The following PRKN variants were observed in gnomAD, a reference collection of about 807,000 sequenced individuals.
PRKN encodes the protein E3 ubiquitin-protein ligase parkin.
A neutral mutation model predicts 59.5 loss-of-function variants in PRKN; 56 were observed. The observed-to-expected ratio is 0.94, with a 90% confidence interval of 0.76 to 1.18. The LOEUF is 1.18. PRKN is among the 50% of genes most tolerant of loss of function. The pLI is 0.00. For missense variants in PRKN, 657 were observed against 596.4 expected, an observed-to-expected ratio of 1.10 and a Z score of -1.06; for synonymous variants, 250 against 222.1, an observed-to-expected ratio of 1.13 and a Z score of -1.12.
chr6:162,560,141 T>C (rs561459878), intron 1 of PRKN, among the ~76,000 whole-genome samples: 4 of 152,224 alleles, frequency 2.6e-5, no homozygotes, highest in African/African-American at 7.2e-5. Context: ...CTACATTCGT[T>C]AATAAAGAGG....
intron 9 of PRKN, among the ~76,000 whole-genome samples, chr6:161,489,310 A>G (rs1777457787): frequency 6.6e-6 from 1 of 152,020 alleles, no homozygotes; most frequent in African/African-American, 2.4e-5. Flanking sequence ...CTGCAACCCC[A>G]GCACTTTGGG....
intron 9 of PRKN, among the ~76,000 whole-genome samples, chr6:161,513,379 T>A (rs1394790736): frequency 6.6e-6 from 1 of 152,128 alleles, no homozygotes; most frequent in Non-Finnish European, 1.5e-5. Flanking sequence ...TAGCTGGGAC[T>A]ACAGGTGCAT....
At position 161,480,444 on chromosome 6, in the gene PRKN, A is replaced by G. The variant is rs1202461140; in HGVS notation, c.1083+68410T>C. On this transcript the variant is annotated intron_variant, in intron 9 of 11. Transcript: ENST00000366898. This position sits in a 1 kb window ranked among gnomAD's most constrained non-coding sequence, Gnocchi z 4.1. ...AAAAGAATCTTAATTCTCTTATTTC[A>G]CATATGAGAAAATTGAGAGCTTAAA... 2.0e-5 allele frequency among the ~76,000 whole-genome samples: 3 copies of G among 152,168 alleles called. No individual in the cohort carries two copies. The highest frequency in any genetic ancestry group is 4.4e-5 in the Non-Finnish European group (3 of 68,044).
rs146243143 is a variant in PRKN, at chr6:162,259,572, A to T, written c.412+2953T>A. On this transcript the variant is annotated intron_variant, in intron 3 of 11. Coordinates refer to ENST00000366898, the MANE Select transcript of PRKN (RefSeq NM_004562.3). ...GCTATCATTTTTAGTGAAGAAAAAT[A>T]ATCATATAGGCATACTGTTTGCATA... Among the ~76,000 whole-genome samples, 329 of 152,384 alleles carry T rather than the reference A, an allele frequency of 2.2e-3. 3 individuals carry two copies. The highest frequency in any genetic ancestry group is 3.7e-3 in the Non-Finnish European group (251 of 68,044).
chr6:161,454,994 T>C lies in PRKN; in HGVS notation c.1084-68117A>G, dbSNP rs927272128. On this transcript the variant is annotated intron_variant, in intron 9 of 11. Transcript: ENST00000366898. This position sits in a 1 kb window ranked among gnomAD's most constrained non-coding sequence, Gnocchi z 4.6. ...ATATCCTGTCTCTCCTATTAGAACA[T>C]AGACTTCTTGAGACGATGGACTGTC... Among the ~76,000 whole-genome samples the C allele has an allele frequency of 5.3e-5, 8 of 152,130 alleles. No individual in the cohort carries two copies. The highest frequency in any genetic ancestry group is 1.9e-4 in the East Asian group (1 of 5,192).
chr6:162,140,740 G>A (rs1238654486), intron 4 of PRKN, among the ~76,000 whole-genome samples: 1 of 128,548 alleles, frequency 7.8e-6, no homozygotes, highest in Non-Finnish European at 1.7e-5. Context: ...GGTGGATTGG[G>A]TCAGGAATAT....
Position 162,501,901 on chromosome 6 carries a change from C to A in PRKN, c.8-58428G>T, listed in dbSNP as rs1173818403. Among the ~76,000 whole-genome samples, 2 of 146,822 alleles carry A rather than the reference C, an allele frequency of 1.4e-5. 1 individual carries two copies. Among genetic ancestry groups the A allele is most frequent in the Admixed American group, 1.4e-4 (2 of 14,784 alleles). ...AATGTGCAGCAAACCTCTTCAGGCT[C>A]CACTTGTCTGGAGAAGGAGACACAT... is the stretch of plus-strand genomic sequence containing the variant. On this transcript the variant is annotated intron_variant, in intron 1 of 11. Transcript: ENST00000366898.
chr6:162,725,608 C>T lies in PRKN; in HGVS notation c.7+2054G>A, dbSNP rs145664354. 4.4e-3 allele frequency among the ~76,000 whole-genome samples: 667 copies of T among 151,720 alleles called. 8 individuals are homozygous for T. Among genetic ancestry groups the T allele is most frequent in the African/African-American group, 0.015 (620 of 41,386 alleles). On this transcript the variant is annotated intron_variant, in intron 1 of 11. Coordinates refer to ENST00000366898, the MANE Select transcript of PRKN (RefSeq NM_004562.3). Reference sequence around the variant, plus strand: ...AACTCCATCTCTACAAAAACTATAACAAAAAATTGGCAGGCATGGTGGCAC... The same window carrying T: ...AACTCCATCTCTACAAAAACTATAATAAAAAATTGGCAGGCATGGTGGCAC...
At chr6:161,756,494 T>G (rs113013802) in intron 7 of PRKN, among the ~76,000 whole-genome samples, 2,922 of 151,284 alleles carry the variant, frequency 0.019, 79 homozygotes, top group South Asian at 0.067. Flanking sequence ...CTTTTAATTT[T>G]TATTGCTGTT....
intron 6 of PRKN, among the ~76,000 whole-genome samples, chr6:161,891,855 G>C (rs1237994465): frequency 6.6e-6 from 1 of 152,212 alleles, no homozygotes; most frequent in African/African-American, 2.4e-5. Context: ...TGTAGGTTAA[G>C]AGCCCTGTTC....
intron 4 of PRKN, among the ~76,000 whole-genome samples, chr6:162,178,166 C>G (rs960400270): frequency 6.6e-6 from 1 of 152,218 alleles, no homozygotes; most frequent in Non-Finnish European, 1.5e-5. Flanking sequence ...GCTACATCCT[C>G]TAGGCTCCTG....
At chr6:162,556,054 A>G (rs1779556561) in intron 1 of PRKN, among the ~76,000 whole-genome samples, 1 of 151,642 alleles carries the variant, frequency 6.6e-6, no homozygotes, top group Non-Finnish European at 1.5e-5. Context: ...ATGGCAGCTT[A>G]GAGCAGACCC....
intron 4 of PRKN, among the ~76,000 whole-genome samples, chr6:162,186,857 A>G (rs1279097794): frequency 6.6e-6 from 1 of 152,092 alleles, no homozygotes; most frequent in Non-Finnish European, 1.5e-5. Flanking sequence ...AGCATAAGCC[A>G]CTATGCTTCC....
intron 2 of PRKN, among the ~76,000 whole-genome samples, chr6:162,379,616 C>T (rs190353347): frequency 6.6e-6 from 1 of 152,126 alleles, no homozygotes; most frequent in East Asian, 1.9e-4. Flanking sequence ...AGCCTCAATG[C>T]CTTTCCCGCA....
At chr6:162,724,855 A>G (rs1054882764) in intron 1 of PRKN, among the ~76,000 whole-genome samples, 1 of 152,232 alleles carries the variant, frequency 6.6e-6, no homozygotes, top group African/African-American at 2.4e-5. Flanking sequence ...GGTCATAAAA[A>G]GCCTGAGTAG....
intron 6 of PRKN, among the ~76,000 whole-genome samples, chr6:161,806,698 A>G (rs1791340872): frequency 6.6e-6 from 1 of 152,168 alleles, no homozygotes; most frequent in African/African-American, 2.4e-5. Flanking sequence ...ATTCATCACT[A>G]AGCTGTTGCC....
At chr6:162,054,312 C>T in intron 4 of PRKN, 138 bp from the exon 5 acceptor site, 2 of 713,640 alleles carry the variant, frequency 2.8e-6, no homozygotes, top group Non-Finnish European at 5.1e-6. Context: ...GGTCTGCAGA[C>T]TCTGGGGGTC....
chr6:162,605,525 C>A (rs112654661), intron 1 of PRKN, among the ~76,000 whole-genome samples: 1 of 151,756 alleles, frequency 6.6e-6, no homozygotes, highest in African/African-American at 2.4e-5. Flanking sequence ...TTCAAAACAC[C>A]CTAAGAACTC....
chr6:162,591,309 G>A lies in PRKN; in HGVS notation c.7+136353C>T, dbSNP rs182856161. 3.2e-3 allele frequency among the ~76,000 whole-genome samples: 487 copies of A among 151,860 alleles called. 1 individual carries two copies. The highest frequency in any genetic ancestry group is 5.7e-3 in the Non-Finnish European group (387 of 67,952). ...GTATCATCTAAACTGGCCACATGTCGTGTTCTGCTTTGCTAAGTGCTGAGT... is the reference window on the plus strand; with the variant it reads ...GTATCATCTAAACTGGCCACATGTCATGTTCTGCTTTGCTAAGTGCTGAGT... On this transcript the variant is annotated intron_variant, in intron 1 of 11. Coordinates refer to ENST00000366898, the MANE Select transcript of PRKN (RefSeq NM_004562.3).
Sources: allele counts gnomAD v4.1 joint callset (sites outside exome capture counted in the v4.1 genomes callset), GRCh38; gene constraint gnomAD v4.1.1; non-coding constraint Gnocchi (gnomAD v3.1); transcripts MANE v1.5; gene names NCBI Gene and HGNC (gene_info 2026-07-23, HGNC 2026-07-21).